Variants in TBC1D5 observed in about 807,000 individuals in gnomAD.
TBC1D5 encodes TBC1 domain family, member 5.
In TBC1D5, 75 loss-of-function variants were observed where a neutral mutation model predicts 100.3. The observed-to-expected ratio is 0.75, with a 90% CI of 0.62 to 0.91. The LOEUF is 0.91. Ranked by LOEUF, TBC1D5 falls within the 40% of genes least tolerant of loss-of-function variation. TBC1D5 has a pLI of 0.00. For synonymous variants in TBC1D5, 323 were observed against 325.6 expected (o/e 0.99, Z 0.09); for missense variants, 910 against 942.4 (o/e 0.97, Z 0.45).
At chr3:17,545,882 A>G (rs1397222514) in intron 2 of TBC1D5, among the ~76,000 whole-genome samples, 1 of 152,150 alleles carries the variant, frequency 6.6e-6, no homozygotes, top group African/African-American at 2.4e-5. Flanking sequence ...CCTTCCTTTT[A>G]TGTAATTTAC....
intron 15 of TBC1D5, among the ~76,000 whole-genome samples, chr3:17,280,273 C>T (rs2080437881): frequency 1.3e-5 from 2 of 152,100 alleles, no homozygotes; most frequent in African/African-American, 4.8e-5. Flanking sequence ...GAGCAATCAG[C>T]CAAGTGGATA....
chr3:17,532,706 A>C (rs2096242831), intron 2 of TBC1D5, among the ~76,000 whole-genome samples: 1 of 152,156 alleles, frequency 6.6e-6, no homozygotes, highest in African/African-American at 2.4e-5. Context: ...TGAAGCTGGA[A>C]ACCATCATTC....
intron 2 of TBC1D5, among the ~76,000 whole-genome samples, chr3:17,544,993 A>G (rs1288490946): frequency 6.6e-6 from 1 of 152,224 alleles, no homozygotes; most frequent in East Asian, 1.9e-4. Flanking sequence ...TTAATTGTAT[A>G]TGTCATTAGC....
chr3:17,396,116 A>T (rs1397188620), intron 8 of TBC1D5, among the ~76,000 whole-genome samples: 1 of 152,026 alleles, frequency 6.6e-6, no homozygotes, highest in Non-Finnish European at 1.5e-5. Context: ...TGTAGTTTTC[A>T]CTTTCTCGGC....
chr3:17,728,149 C>A lies in TBC1D5; in HGVS notation c.-101+11194G>T, dbSNP rs1031152801. 1.1e-4 allele frequency among the ~76,000 whole-genome samples: 17 copies of A among 152,286 alleles called. 1 individual carries two copies. The highest frequency in any genetic ancestry group is 7.3e-5 in the Non-Finnish European group (5 of 68,028). On this transcript the variant is annotated intron_variant, in intron 1 of 21. Transcript: ENST00000253692. ...GAGCACACACACGCATACCCACACA[C>A]CCTAACCAAAGTCAGCACAATGTTT...
rs1028149391 is a variant in TBC1D5 at position 17,240,542 on chromosome 3, A to G, written c.1332-2123T>C. Among the ~76,000 whole-genome samples, 3 of 152,270 alleles carry G rather than the reference A, an allele frequency of 2.0e-5. No homozygotes were observed. The South Asian group carries it at 6.2e-4, about 32-fold the overall frequency. On this transcript the variant is annotated intron_variant, in intron 16 of 21. Coordinates refer to ENST00000253692, the Ensembl canonical transcript of TBC1D5. ...AGGCTGGCAACAGAGAAGGCACTCAATATATGTTTATTGAGAAAAAAGAAT... is the reference window on the plus strand; with the variant it reads ...AGGCTGGCAACAGAGAAGGCACTCAGTATATGTTTATTGAGAAAAAAGAAT...
chr3:17,644,073 C>T (rs2064791154), intron 1 of TBC1D5: 1 of 151,978 alleles, frequency 6.6e-6, no homozygotes, highest in South Asian at 2.1e-4. Context: ...ATGGTGAATT[C>T]CAGAGCTCCA....
chr3:17,579,473 A>G, intron 2 of TBC1D5, among the ~76,000 whole-genome samples: 1 of 152,134 alleles, frequency 6.6e-6, no homozygotes, highest in Non-Finnish European at 1.5e-5. Flanking sequence ...AACTGCAAGG[A>G]AAAGGAGGTG....
intron 2 of TBC1D5, among the ~76,000 whole-genome samples, chr3:17,520,454 A>C (rs1225381402): frequency 6.6e-6 from 1 of 152,174 alleles, no homozygotes; most frequent in African/African-American, 2.4e-5. Context: ...TTTTTCAATG[A>C]ATTTATTCAC....
At chr3:17,725,205 C>G (rs6577643) in intron 1 of TBC1D5, among the ~76,000 whole-genome samples, 86,872 of 151,940 alleles carry the variant, frequency 0.57, 25,647 homozygotes, top group East Asian at 0.99. Context: ...TTATTTGTGA[C>G]AATTCCCTGG....
chr3:17,676,048 TG>T (rs2068585545), intron 1 of TBC1D5, among the ~76,000 whole-genome samples: 1 of 152,148 alleles, frequency 6.6e-6, no homozygotes, highest in African/African-American at 2.4e-5. Flanking sequence ...GAAACTCTCA[TG>T]ACTACTTTGT....
chr3:17,641,181 T>C (rs2064460808), intron 1 of TBC1D5, among the ~76,000 whole-genome samples: 1 of 152,140 alleles, frequency 6.6e-6, no homozygotes, highest in East Asian at 1.9e-4. Flanking sequence ...TTTTGATTTA[T>C]TAGGACACCA....
rs535490186 is a variant in TBC1D5, at chr3:17,681,584, C to A, written c.-100-57671G>T. Among the ~76,000 whole-genome samples the A allele has an allele frequency of 1.9e-4, 29 of 151,608 alleles. No individual in the cohort carries two copies. The South Asian group carries it at 6.0e-3, about 31-fold the overall frequency. ...TTTCGGAAATGTTTTGGCAAAACTGCCAACTTTATCAACATATGTGACATG... is the reference window on the plus strand; with the variant it reads ...TTTCGGAAATGTTTTGGCAAAACTGACAACTTTATCAACATATGTGACATG... On this transcript the variant is annotated intron_variant, in intron 1 of 21. Transcript: ENST00000253692.
intron 18 of TBC1D5, among the ~76,000 whole-genome samples, chr3:17,213,759 A>T (rs1378773196): frequency 7.2e-6 from 1 of 139,394 alleles, no homozygotes; most frequent in Non-Finnish European, 1.6e-5. Flanking sequence ...AAAAAAAAAA[A>T]GAATTTTACA....
intron 1 of TBC1D5, among the ~76,000 whole-genome samples, chr3:17,703,874 T>C (rs1425198891): frequency 6.6e-6 from 1 of 151,868 alleles, no homozygotes; most frequent in Non-Finnish European, 1.5e-5. Flanking sequence ...AAATCATACT[T>C]AAAAAGAATG....
intron 13 of TBC1D5, among the ~76,000 whole-genome samples, chr3:17,362,879 G>A (rs1054803260): frequency 1.1e-4 from 16 of 152,040 alleles, no homozygotes; most frequent in African/African-American, 3.1e-4. Flanking sequence ...TTTCCCCAAT[G>A]GTAACATCCT....
At chr3:17,705,053 G>T (rs1183565242) in intron 1 of TBC1D5, among the ~76,000 whole-genome samples, 6 of 131,162 alleles carry the variant, frequency 4.6e-5, no homozygotes, top group East Asian at 2.5e-4. Flanking sequence ...GCGGGGGGCT[G>T]ACCCCCCCAC....
chr3:17,233,135 T>C (rs901874579), intron 17 of TBC1D5, among the ~76,000 whole-genome samples: 3 of 152,212 alleles, frequency 2.0e-5, no homozygotes, highest in Non-Finnish European at 4.4e-5. Context: ...TATTTAAACA[T>C]TCTTTTTTTA....
chr3:17,454,613 C>T lies in TBC1D5; in HGVS notation c.98-26094G>A, dbSNP rs191843997. On this transcript the variant is annotated intron_variant, in intron 3 of 21. Transcript: ENST00000253692. Reference sequence around the variant, plus strand: ...TAGCTGGGACTACAGGTGCCCGCCACCATGCCTGGTTAATTTTTTTGTATT... The same window carrying T: ...TAGCTGGGACTACAGGTGCCCGCCATCATGCCTGGTTAATTTTTTTGTATT... Among the ~76,000 whole-genome samples, 8 of 152,208 alleles carry T rather than the reference C, an allele frequency of 5.3e-5. No homozygotes were observed. The East Asian group carries it at 1.6e-3, about 30-fold the overall frequency.
Sources: allele counts gnomAD v4.1 joint callset (sites outside exome capture counted in the v4.1 genomes callset), GRCh38; gene constraint gnomAD v4.1.1; transcripts MANE v1.5; gene names NCBI Gene and HGNC (gene_info 2026-07-23, HGNC 2026-07-21).